Variants in ATXN1 observed in about 807,000 individuals in gnomAD.
ATXN1 encodes ataxin-1.
ATXN1 carries 8 observed loss-of-function variants against 56.4 expected under a neutral mutation model. The ratio of observed to expected loss-of-function variants is 0.14; its 90% confidence interval spans 0.08 to 0.26. The LOEUF (loss-of-function observed/expected upper bound fraction) is 0.26, where lower values mean the gene tolerates loss of function less well. Among genes scored for constraint, ATXN1 ranks in the 10% least tolerant of loss-of-function variants. The pLI is 1.00. For synonymous variants in ATXN1, 514 were observed against 494.6 expected (o/e 1.04, Z -0.52); for missense variants, 987 against 1,106.5 (o/e 0.89, Z 1.53).
Position 16,750,963 on chromosome 6 carries a change from CCTCT to C in ATXN1, c.-615+2266_-615+2269del, listed in dbSNP as rs1184522284. ...GACACTCTACCTTTTTCTTTTCTTT[CCTCT>C]CTTTTTTTTTTTTTTTTTTGAGATG... is the stretch of plus-strand genomic sequence containing the variant. On this transcript the variant is annotated intron_variant, in intron 2 of 7. Coordinates refer to ENST00000436367, the MANE Select transcript of ATXN1 (RefSeq NM_001128164.2). Among the ~76,000 whole-genome samples the C allele has an allele frequency of 1.5e-3, 225 of 150,564 alleles. 2 individuals carry two copies. The highest frequency in any genetic ancestry group is 5.2e-3 in the African/African-American group (213 of 40,914).
chr6:16,532,029 C>T (rs1761514819), intron 4 of ATXN1, among the ~76,000 whole-genome samples: 1 of 152,214 alleles, frequency 6.6e-6, no homozygotes, highest in Admixed American at 6.5e-5. Context: ...ATTGCAACTA[C>T]TCAATCTGTC....
intron 5 of ATXN1, among the ~76,000 whole-genome samples, chr6:16,502,368 T>C (rs1454686098): frequency 2.6e-5 from 4 of 152,180 alleles, no homozygotes; most frequent in African/African-American, 9.7e-5. Flanking sequence ...TTGAAAATGA[T>C]TTGTGCAGAA....
In ATXN1 at chr6:16,632,879, C is replaced by G. The variant is rs180996527; in HGVS notation, c.-489+24897G>C. On this transcript the variant is annotated intron_variant, in intron 3 of 7. Transcript: ENST00000436367. ...GGGTGTGGTGGCATGCGCCTGTAAT[C>G]CCAGCTACTTGGGAGGCTGAGACAG... is the stretch of plus-strand genomic sequence containing the variant. Among the ~76,000 whole-genome samples the G allele has an allele frequency of 6.6e-5, 10 of 151,958 alleles. No homozygotes were observed. In the East Asian group the frequency reaches 1.4e-3, roughly 21 times the overall value.
intron 6 of ATXN1, among the ~76,000 whole-genome samples, chr6:16,462,598 TA>T (rs1760021661): frequency 6.6e-6 from 1 of 152,192 alleles, no homozygotes; most frequent in African/African-American, 2.4e-5. Flanking sequence ...ACAAAAATCC[TA>T]ATCACATCAA....
intron 2 of ATXN1, among the ~76,000 whole-genome samples, chr6:16,670,262 C>A (rs150068668): frequency 6.6e-6 from 1 of 152,198 alleles, no homozygotes; most frequent in Non-Finnish European, 1.5e-5. Context: ...ACTCACCCCT[C>A]GTGCCCTCTC....
chr6:16,673,207 G>A (rs571207590), intron 2 of ATXN1, among the ~76,000 whole-genome samples: 8 of 152,024 alleles, frequency 5.3e-5, no homozygotes, highest in Non-Finnish European at 1.0e-4. Context: ...CAAAGTTCCT[G>A]ATAAGTTGTT....
chr6:16,694,142 T>C (rs1317095797), intron 2 of ATXN1, among the ~76,000 whole-genome samples: 8 of 151,694 alleles, frequency 5.3e-5, no homozygotes, highest in Non-Finnish European at 1.2e-4. Context: ...TATCCGATTA[T>C]CAGTACTCAA....
At chr6:16,397,086 C>T (rs1233473647) in intron 6 of ATXN1, among the ~76,000 whole-genome samples, 1 of 152,186 alleles carries the variant, frequency 6.6e-6, no homozygotes, top group African/African-American at 2.4e-5. Flanking sequence ...TGATGCACGA[C>T]TGTCCTATAT....
chr6:16,488,266 A>C (rs1760590369), intron 5 of ATXN1, among the ~76,000 whole-genome samples: 1 of 152,244 alleles, frequency 6.6e-6, no homozygotes, highest in Non-Finnish European at 1.5e-5. Flanking sequence ...GCTGAAGTTA[A>C]GAAAACCCTC....
chr6:16,546,008 A>C (rs951837979), intron 4 of ATXN1, among the ~76,000 whole-genome samples: 1 of 152,260 alleles, frequency 6.6e-6, no homozygotes. Flanking sequence ...TAATATGTAC[A>C]TTAGGAACAG....
intron 2 of ATXN1, among the ~76,000 whole-genome samples, chr6:16,735,682 C>G (rs1244541321): frequency 1.3e-5 from 2 of 152,158 alleles, no homozygotes; most frequent in African/African-American, 4.8e-5. Context: ...TCAGAGTTCA[C>G]AAAATACATT....
chr6:16,590,839 T>G (rs1268136914), intron 3 of ATXN1, among the ~76,000 whole-genome samples: 1 of 151,614 alleles, frequency 6.6e-6, no homozygotes, highest in Non-Finnish European at 1.5e-5. Flanking sequence ...CTGGCTAATT[T>G]TTTAATTTTT....
At chr6:16,519,470 T>C (rs1343847448) in intron 5 of ATXN1, among the ~76,000 whole-genome samples, 3 of 152,220 alleles carry the variant, frequency 2.0e-5, no homozygotes, top group Non-Finnish European at 4.4e-5. Flanking sequence ...TCCCAGAAGA[T>C]GAGAAATGGG....
chr6:16,748,612 G>A (rs568433821), intron 2 of ATXN1, among the ~76,000 whole-genome samples: 9 of 152,214 alleles, frequency 5.9e-5, no homozygotes, highest in Non-Finnish European at 5.9e-5. Flanking sequence ...AATAGTAAAT[G>A]TGAACTATTG....
At chr6:16,591,804 T>C (rs991414001) in intron 3 of ATXN1, among the ~76,000 whole-genome samples, 1 of 152,140 alleles carries the variant, frequency 6.6e-6, no homozygotes, top group East Asian at 1.9e-4. Context: ...TTGATACTCT[T>C]ATGACTATGG....
At chr6:16,424,464 T>C (rs1327858808) in intron 6 of ATXN1, among the ~76,000 whole-genome samples, 1 of 152,188 alleles carries the variant, frequency 6.6e-6, no homozygotes, top group Non-Finnish European at 1.5e-5. Context: ...CCTTCGGCTA[T>C]TTAATAATAG....
At chr6:16,569,397 G>C (rs1469936241) in intron 4 of ATXN1, among the ~76,000 whole-genome samples, 2 of 152,020 alleles carry the variant, frequency 1.3e-5, no homozygotes, top group Admixed American at 6.6e-5. Context: ...ATGGTGGTGT[G>C]AGCCTTGTAA....
At chr6:16,589,072 T>TC (rs1762677581) in intron 3 of ATXN1, among the ~76,000 whole-genome samples, 1 of 151,828 alleles carries the variant, frequency 6.6e-6, no homozygotes, top group Non-Finnish European at 1.5e-5. Flanking sequence ...TCTCTTCTGT[T>TC]CCCCCCACAC....
At chr6:16,390,943 C>A (rs886949727) in intron 6 of ATXN1, among the ~76,000 whole-genome samples, 1 of 152,070 alleles carries the variant, frequency 6.6e-6, no homozygotes, top group African/African-American at 2.4e-5. Context: ...GGTGAACCAT[C>A]TGAGGTTGGG....
Sources: allele counts gnomAD v4.1 joint callset (sites outside exome capture counted in the v4.1 genomes callset), GRCh38; gene constraint gnomAD v4.1.1; transcripts MANE v1.5; gene names NCBI Gene and HGNC (gene_info 2026-07-23, HGNC 2026-07-21).